Variants in PRKG2 observed in about 807,000 individuals in gnomAD.
The protein encoded by PRKG2 is cGMP-dependent protein kinase 2.
In PRKG2, 33 loss-of-function variants were observed where a neutral mutation model predicts 97.2. That is an observed-to-expected ratio of 0.34 (90% CI 0.26 to 0.45). The LOEUF (loss-of-function observed/expected upper bound fraction) is 0.45. Among genes scored for constraint, PRKG2 ranks in the 20% least tolerant of loss-of-function variants. The pLI is 1.00. For synonymous variants in PRKG2, 330 were observed against 321.8 expected, an observed-to-expected ratio of 1.03 and a Z score of -0.27; for missense variants, 638 against 900.0, an observed-to-expected ratio of 0.71 and a Z score of 3.73.
chr4:81,113,985 C>T (rs547538304), intron 14 of PRKG2, among the ~76,000 whole-genome samples: 1 of 152,098 alleles, frequency 6.6e-6, no homozygotes, highest in Non-Finnish European at 1.5e-5. Context: ...ATGACCCACT[C>T]TTTATGTTTG....
At chr4:81,184,907 C>T (rs1751735642) in intron 2 of PRKG2, among the ~76,000 whole-genome samples, 1 of 151,806 alleles carries the variant, frequency 6.6e-6, no homozygotes, top group Admixed American at 6.6e-5. Flanking sequence ...TGAAGATCAA[C>T]TTAATGAAAT....
intron 17 of PRKG2, among the ~76,000 whole-genome samples, chr4:81,098,165 A>T (rs890164159): frequency 7.2e-5 from 11 of 152,088 alleles, no homozygotes; most frequent in Admixed American, 3.3e-4. Context: ...AAAATGTGAA[A>T]AGAGAGACTG....
chr4:81,113,520 A>G (rs535652504), intron 14 of PRKG2, among the ~76,000 whole-genome samples: 7 of 152,274 alleles, frequency 4.6e-5, no homozygotes, highest in African/African-American at 1.7e-4. Flanking sequence ...ATTTTAATAA[A>G]CTAGAAGGTT....
chr4:81,141,584 T>C (rs1396736241), intron 11 of PRKG2, among the ~76,000 whole-genome samples: 1 of 152,196 alleles, frequency 6.6e-6, no homozygotes, highest in African/African-American at 2.4e-5. Context: ...TTTTGATAGA[T>C]TTAAAACTCC....
chr4:81,154,902 C>T (rs1393690648), intron 6 of PRKG2, among the ~76,000 whole-genome samples: 2 of 152,000 alleles, frequency 1.3e-5, no homozygotes, highest in Non-Finnish European at 2.9e-5. Flanking sequence ...AGGCCGGGCG[C>T]GGTGGCTCAC....
At chr4:81,198,494 A>ACCTCACC (rs1410527785) in intron 2 of PRKG2, among the ~76,000 whole-genome samples, 3 of 151,402 alleles carry the variant, frequency 2.0e-5, no homozygotes, top group African/African-American at 7.3e-5. Context: ...CACCCACCCT[A>ACCTCACC]CCTCACCCCC....
Position 81,181,828 on chromosome 4 carries a change from A to T in PRKG2, c.462-6869T>A, listed in dbSNP as rs192706759. The stretch of plus-strand genomic sequence containing the variant: ...TCAAAAAATTCAAAATAAAATTTTT[A>T]AAATGACATCATTTAAAATAGTTTC... On this transcript the variant is annotated intron_variant, in intron 2 of 18. Coordinates refer to ENST00000264399, the MANE Select transcript of PRKG2 (RefSeq NM_006259.3). 2.0e-3 allele frequency among the ~76,000 whole-genome samples: 308 copies of T among 152,158 alleles called. 3 individuals are homozygous for T. Among genetic ancestry groups the T allele is most frequent in the African/African-American group, 7.1e-3 (294 of 41,576 alleles).
intron 14 of PRKG2, among the ~76,000 whole-genome samples, chr4:81,116,346 T>C (rs1261927076): frequency 6.6e-6 from 1 of 152,180 alleles, no homozygotes; most frequent in African/African-American, 2.4e-5. Flanking sequence ...CCAACCATGT[T>C]GCTGCGAAGT....
intron 6 of PRKG2, among the ~76,000 whole-genome samples, chr4:81,159,704 C>A (rs1749439055): frequency 6.6e-6 from 1 of 151,748 alleles, no homozygotes; most frequent in South Asian, 2.1e-4. Context: ...GACTTAGAAC[C>A]AACCCAAATG....
intron 1 of PRKG2, among the ~76,000 whole-genome samples, chr4:81,207,975 T>C (rs1474412167): frequency 2.0e-5 from 3 of 152,138 alleles, no homozygotes; most frequent in Admixed American, 1.3e-4. Context: ...AAATGAACCA[T>C]AGGATGTTGC....
chr4:81,140,497 A>G, intron 12 of PRKG2, 36 bp downstream of exon 12: 1 of 1,507,540 alleles, frequency 6.6e-7, no homozygotes, highest in Non-Finnish European at 8.9e-7. Flanking sequence ...AAGAGCCTGA[A>G]AATCCTAACT....
intron 6 of PRKG2, among the ~76,000 whole-genome samples, chr4:81,156,398 C>A (rs62302269): frequency 3.9e-5 from 6 of 152,136 alleles, no homozygotes. Flanking sequence ...AATATATATG[C>A]ACCCAATACA....
intron 14 of PRKG2, among the ~76,000 whole-genome samples, chr4:81,123,909 C>G (rs892051256): frequency 6.6e-6 from 1 of 151,986 alleles, no homozygotes; most frequent in Admixed American, 6.6e-5. Flanking sequence ...TCCCATTATA[C>G]CCACTCTCAG....
At chr4:81,100,336 A>G (rs1742607478) in intron 17 of PRKG2, among the ~76,000 whole-genome samples, 1 of 152,202 alleles carries the variant, frequency 6.6e-6, no homozygotes, top group Non-Finnish European at 1.5e-5. Flanking sequence ...ACAGTAACAA[A>G]AACAGCATGT....
At chr4:81,107,451 C>T (rs1308627446) in intron 15 of PRKG2, among the ~76,000 whole-genome samples, 2 of 152,014 alleles carry the variant, frequency 1.3e-5, no homozygotes, top group East Asian at 1.9e-4. Flanking sequence ...GAAGGAGCCA[C>T]CAATGTGGGA....
rs187915805 is a variant in PRKG2 at position 81,138,685 on chromosome 4, G to T, written c.1545-1203C>A. ...GGTGTATGTTAATTTCTCAATAAATGTTGTCATTAATATTTATTCTTCATA... is the reference window on the plus strand; with the variant it reads ...GGTGTATGTTAATTTCTCAATAAATTTTGTCATTAATATTTATTCTTCATA... On this transcript the variant is annotated intron_variant, in intron 12 of 18. Transcript: ENST00000264399. 2.6e-4 allele frequency among the ~76,000 whole-genome samples: 40 copies of T among 151,738 alleles called. 2 individuals carry two copies. The highest frequency in any genetic ancestry group is 9.5e-4 in the African/African-American group (39 of 41,082).
At chr4:81,148,736 A>G (rs777101870) in intron 9 of PRKG2, 148 bp downstream of exon 9, 1 of 745,018 alleles carries the variant, frequency 1.3e-6, no homozygotes, top group Non-Finnish European at 2.3e-6. Context: ...GTTCCTTCCC[A>G]TGAATTTTAA....
At position 81,108,655 on chromosome 4, in the gene PRKG2, G is replaced by A. The variant is rs115814286; in HGVS notation, c.1940+1793C>T. ...CACACTTGTAATCTCAGCACTTTTG[G>A]AAGCTGAGATGAGTGGACTGCTTGA... On this transcript the variant is annotated intron_variant, in intron 15 of 18. Transcript: ENST00000264399. Among the ~76,000 whole-genome samples, 1,220 of 152,082 alleles carry A rather than the reference G, an allele frequency of 8.0e-3. 12 individuals are homozygous for A. The highest frequency in any genetic ancestry group is 0.014 in the Non-Finnish European group (934 of 67,980).
At chr4:81,180,160 AAATG>A (rs1175626864) in intron 2 of PRKG2, among the ~76,000 whole-genome samples, 16 of 152,230 alleles carry the variant, frequency 1.1e-4, no homozygotes, top group Admixed American at 2.6e-4. Context: ...ATAAATAAAT[AAATG>A]AATGAATGAA....
Sources: gnomAD v4.1 joint callset for allele counts (sites outside exome capture counted in the v4.1 genomes callset) on GRCh38, gnomAD v4.1.1 for gene constraint, MANE v1.5 for transcripts, NCBI Gene and HGNC (gene_info 2026-07-23, HGNC 2026-07-21) for gene names.